Variants in ARG1 observed in about 807,000 individuals in gnomAD.
The protein encoded by ARG1 is arginase-1.
Under a neutral mutation model 33.0 loss-of-function variants are expected in ARG1, and 20 were observed. That is an observed-to-expected ratio of 0.61 (90% CI 0.43 to 0.88). The LOEUF is 0.88. Among genes scored for constraint, ARG1 ranks in the 40% least tolerant of loss-of-function variants. The pLI is 0.00. For missense variants in ARG1, 374 were observed against 384.7 expected (o/e 0.97, Z 0.23); for synonymous variants, 146 against 140.6 (o/e 1.04, Z -0.27).
intron 4 of ARG1, among the ~76,000 whole-genome samples, chr6:131,581,740 T>G (rs1206031839): frequency 1.3e-5 from 2 of 152,216 alleles, no homozygotes; most frequent in South Asian, 4.1e-4. Flanking sequence ...CATTCCTTCC[T>G]CTTTCCACTA....
chr6:131,573,993 A>G (rs932713493), intron 1 of ARG1: 1 of 462,726 alleles, frequency 2.2e-6, no homozygotes, highest in Non-Finnish European at 3.9e-6. Flanking sequence ...ATTTTAATGG[A>G]TTTATGAAAC....
In ARG1 at chr6:131,581,212, C is replaced by T. The variant is rs537503803; in HGVS notation, c.306-7C>T. 2.5e-6 allele frequency: 4 copies of T among 1,613,704 alleles called. No individual in the cohort carries two copies. In the African/African-American group the frequency reaches 5.3e-5, roughly 22 times the overall value. ...CTGATGTTCACACAAAATTTTTTCC[C>T]CAAAAGTTTGGCAATTGGAAGCATC... is the stretch of plus-strand genomic sequence containing the variant. On this transcript the variant is annotated splice_polypyrimidine_tract_variant and splice_region_variant and intron_variant, in intron 3 of 7. Coordinates refer to ENST00000368087, the MANE Select transcript of ARG1 (RefSeq NM_000045.4).
chr6:131,583,226 A>G (rs1774029341), intron 6 of ARG1, 62 bp downstream of exon 6: 2 of 1,597,100 alleles, frequency 1.3e-6, no homozygotes, highest in African/African-American at 1.3e-5. Context: ...ACTGACAACC[A>G]AAGTTATTAA....
chr6:131,583,184 G>A lies in ARG1; in HGVS notation c.665+20G>A, dbSNP rs1313714287. The A allele has an allele frequency of 1.2e-6, 2 of 1,603,166 alleles. No homozygotes were observed. Among genetic ancestry groups the A allele is most frequent in the Non-Finnish European group, 1.7e-6 (2 of 1,170,262 alleles). On this transcript the variant is annotated intron_variant, in intron 6 of 7. Coordinates refer to ENST00000368087, the MANE Select transcript of ARG1 (RefSeq NM_000045.4). ...AGGAAGGTAGGATTCTTTTGTGTGT[G>A]CACACATGTGTGTGCAACAGAAAAG...
chr6:131,577,909 A>G (rs953956817), intron 2 of ARG1, among the ~76,000 whole-genome samples: 1 of 151,744 alleles, frequency 6.6e-6, no homozygotes, highest in African/African-American at 2.4e-5. Context: ...ATCTCCAAAA[A>G]AAAAAAAAAA....
intron 3 of ARG1, among the ~76,000 whole-genome samples, chr6:131,579,900 A>T (rs1417365167): frequency 6.6e-6 from 1 of 151,468 alleles, no homozygotes; most frequent in Non-Finnish European, 1.5e-5. Flanking sequence ...TTGTGTTCTC[A>T]CTCTACAGTG....
rs1384438350 is a variant in ARG1, at chr6:131,579,107, T to A, written c.131-4T>A. 6 of 1,613,948 alleles carry A rather than the reference T, an allele frequency of 3.7e-6. No homozygotes were observed. In the Admixed American group the frequency reaches 8.3e-5, roughly 22 times the overall value. ...TTTAGTAACTCAAAACTTTTTAATT[T>A]TAGAGTGTGATGTGAAGGATTATGG... On this transcript the variant is annotated splice_polypyrimidine_tract_variant and splice_region_variant and intron_variant, in intron 2 of 7. Coordinates refer to ENST00000368087, the MANE Select transcript of ARG1 (RefSeq NM_000045.4).
At chr6:131,580,963 C>T (rs1773888911) in intron 3 of ARG1, among the ~76,000 whole-genome samples, 1 of 152,022 alleles carries the variant, frequency 6.6e-6, no homozygotes. Context: ...GGTTTTCTTA[C>T]AAGGTGGATT....
chr6:131,581,012 G>A (rs1267529365), intron 3 of ARG1, among the ~76,000 whole-genome samples: 1 of 152,118 alleles, frequency 6.6e-6, no homozygotes, highest in Non-Finnish European at 1.5e-5. Flanking sequence ...TAATGCAATC[G>A]ATGTAAATAT....
intron 4 of ARG1, 145 bp downstream of exon 4, chr6:131,581,523 G>GTTGA: frequency 2.1e-6 from 2 of 959,468 alleles, no homozygotes; most frequent in South Asian, 1.5e-5. Context: ...CAAAGGGTTG[G>GTTGA]TTGATAAAAG....
intron 6 of ARG1, 88 bp from the exon 7 acceptor site, chr6:131,583,264 GCTA>G: frequency 6.2e-7 from 1 of 1,603,684 alleles, no homozygotes; most frequent in Non-Finnish European, 8.5e-7. Context: ...ATAATGGGTT[GCTA>G]CTTTTTATAA....
At chr6:131,581,453 A>G in intron 4 of ARG1, 75 bp downstream of exon 4, 4 of 1,440,592 alleles carry the variant, frequency 2.8e-6, no homozygotes, top group Non-Finnish European at 3.8e-6. Context: ...GGGAAATGAG[A>G]AACTCCATGT....
At chr6:131,577,273 T>C (rs1280635712) in intron 2 of ARG1, among the ~76,000 whole-genome samples, 3 of 152,190 alleles carry the variant, frequency 2.0e-5, no homozygotes, top group Non-Finnish European at 4.4e-5. Flanking sequence ...GGTCAGGATG[T>C]GGAGAAACTG....
chr6:131,583,636 C>G, intron 7 of ARG1, 106 bp from the exon 8 acceptor site: 1 of 1,514,650 alleles, frequency 6.6e-7, no homozygotes, highest in Non-Finnish European at 9.1e-7. Flanking sequence ...TGTTTTCCAT[C>G]GGTTACTACC....
Position 131,583,176 on chromosome 6 carries a change from TTGTGTGTGCACACA to T in ARG1, c.665+23_665+36del, listed in dbSNP as rs749072942. 4.3e-6 allele frequency: 7 copies of T among 1,610,364 alleles called. No homozygotes were observed. The highest frequency in any genetic ancestry group is 5.9e-6 in the Non-Finnish European group (7 of 1,176,700). Reference sequence around the variant, plus strand: ...TATCTACTAGGAAGGTAGGATTCTTTTGTGTGTGCACACATGTGTGTGCAACAGAAAAGGTTGCT... The same window carrying T: ...TATCTACTAGGAAGGTAGGATTCTTTTGTGTGTGCAACAGAAAAGGTTGCT... On this transcript the variant is annotated intron_variant, in intron 6 of 7. Transcript: ENST00000368087.
chr6:131,574,294 T>C, intron 1 of ARG1: 1 of 1,614,008 alleles, frequency 6.2e-7, no homozygotes, highest in South Asian at 1.1e-5. Context: ...TCTGACTTTT[T>C]ACTGCAAAAC....
intron 1 of ARG1, among the ~76,000 whole-genome samples, chr6:131,575,360 C>G (rs998563275): frequency 5.9e-5 from 9 of 151,976 alleles, no homozygotes; most frequent in African/African-American, 2.2e-4. Flanking sequence ...AAAACAGACA[C>G]AAAACTAAAG....
At position 131,583,124 on chromosome 6, in the gene ARG1, G is replaced by A; in HGVS notation, c.625G>A (p.Gly209Ser). 6.2e-7 allele frequency: 1 copy of A among 1,613,976 alleles called. No homozygotes were observed. Among genetic ancestry groups the A allele is most frequent in the South Asian group, 1.1e-5 (1 of 91,078 alleles). Reference protein sequence around the residue: ...SMTEVDRLGIGKVMEETLSYL... With the variant: ...SMTEVDRLGISKVMEETLSYL... ...GACTGAAGTGGACAGACTAGGAATTGGCAAGGTGATGGAAGAAACACTCAG... is the reference window on the plus strand; with the variant it reads ...GACTGAAGTGGACAGACTAGGAATTAGCAAGGTGATGGAAGAAACACTCAG... Residue 209 changes from glycine to serine, a missense_variant, in exon 6 of 8, where the codon GGC (glycine) becomes AGC (serine). Coordinates refer to ENST00000368087, the MANE Select transcript of ARG1 (RefSeq NM_000045.4).
At chr6:131,583,004 A>G in intron 5 of ARG1, 56 bp from the exon 6 acceptor site, 1 of 1,233,940 alleles carries the variant, frequency 8.1e-7, no homozygotes, top group South Asian at 1.3e-5. Flanking sequence ...TTAAAAGGAG[A>G]CAGGCGGGCA....
Sources: gnomAD v4.1 joint callset for allele counts (sites outside exome capture counted in the v4.1 genomes callset) on GRCh38, gnomAD v4.1.1 for gene constraint, MANE v1.5 for transcripts, NCBI Gene and HGNC (gene_info 2026-07-23, HGNC 2026-07-21) for gene names.